NLK: variants seen among roughly 807,000 people sequenced by gnomAD.
NLK encodes nemo like kinase, also known as serine/threonine-protein kinase NLK.
A neutral mutation model predicts 59.0 loss-of-function variants in NLK; 11 were observed. The observed-to-expected ratio is 0.19, with a 90% CI of 0.12 to 0.31. The LOEUF (loss-of-function observed/expected upper bound fraction) is 0.31. Among genes scored for constraint, NLK ranks in the 10% least tolerant of loss-of-function variants. The pLI is 1.00. For synonymous variants in NLK, 235 were observed against 235.9 expected, an observed-to-expected ratio of 1.00 and a Z score of 0.03; for missense variants, 410 against 661.1, an observed-to-expected ratio of 0.62 and a Z score of 4.16.
chr17:28,178,416 G>A (rs942589919), intron 7 of NLK, among the ~76,000 whole-genome samples: 1 of 152,170 alleles, frequency 6.6e-6, no homozygotes, highest in African/African-American at 2.4e-5. Flanking sequence ...ACTGTGTGAT[G>A]TTTCAAGTTT....
At chr17:28,182,673 C>G (rs1031518381) in intron 7 of NLK, among the ~76,000 whole-genome samples, 6 of 152,170 alleles carry the variant, frequency 3.9e-5, no homozygotes, top group African/African-American at 1.4e-4. Flanking sequence ...TTCTCCCAAA[C>G]ATAAGCCAGA....
intron 1 of NLK, among the ~76,000 whole-genome samples, chr17:28,067,883 A>G (rs1429829825): frequency 2.0e-5 from 3 of 151,648 alleles, no homozygotes; most frequent in Admixed American, 6.6e-5. Context: ...GCTCACACCT[A>G]TAATCCCAGC....
chr17:28,177,805 T>C (rs1339236290), intron 7 of NLK, among the ~76,000 whole-genome samples: 1 of 152,232 alleles, frequency 6.6e-6, no homozygotes, highest in African/African-American at 2.4e-5. Flanking sequence ...GTTTCCTCCA[T>C]AGTCTGGAGC....
the NLK span, among the ~76,000 whole-genome samples, chr17:28,203,269 G>C: frequency 6.6e-6 from 1 of 151,416 alleles, no homozygotes; most frequent in Admixed American, 6.6e-5. Flanking sequence ...GCCTCCCACA[G>C]TACTGGGATT....
chr17:28,067,461 C>G (rs535945301), intron 1 of NLK, among the ~76,000 whole-genome samples: 1 of 150,378 alleles, frequency 6.6e-6, no homozygotes, highest in Non-Finnish European at 1.5e-5. Flanking sequence ...AACTCTCTAA[C>G]AGTCTCTATG....
the NLK span, among the ~76,000 whole-genome samples, chr17:28,203,152 TATATACATACATACACA>T: frequency 7.4e-6 from 1 of 135,192 alleles, no homozygotes; most frequent in African/African-American, 3.3e-5. Context: ...TGTATGAATG[TATATACATACATACACA>T]CACACACACA....
chr17:28,148,850 G>C (rs1907361778), intron 3 of NLK, among the ~76,000 whole-genome samples: 1 of 152,194 alleles, frequency 6.6e-6, no homozygotes. Context: ...TACTTGGGTG[G>C]ATTGAGCAGT....
At chr17:28,147,678 A>G (rs1031752919) in intron 3 of NLK, among the ~76,000 whole-genome samples, 2 of 152,090 alleles carry the variant, frequency 1.3e-5, no homozygotes, top group African/African-American at 4.8e-5. Context: ...TCCCTTTTTG[A>G]TATCTCTAAT....
chr17:28,165,302 G>A (rs1196528518), intron 5 of NLK, among the ~76,000 whole-genome samples: 1 of 152,106 alleles, frequency 6.6e-6, no homozygotes, highest in Non-Finnish European at 1.5e-5. Context: ...ACAGGATTTT[G>A]TGCAGGACCT....
chr17:28,085,621 T>C (rs922972082), intron 1 of NLK, among the ~76,000 whole-genome samples: 41 of 152,050 alleles, frequency 2.7e-4, no homozygotes, highest in African/African-American at 9.7e-4. Context: ...GCAGCTGTAA[T>C]CCCAGCTACT....
At chr17:28,064,384 A>G (rs1200427540) in intron 1 of NLK, among the ~76,000 whole-genome samples, 5 of 151,912 alleles carry the variant, frequency 3.3e-5, no homozygotes, top group Non-Finnish European at 5.9e-5. Flanking sequence ...TCTGGCCTCA[A>G]GTGATCCTCC....
At chr17:28,128,056 G>A (rs1400225107) in intron 2 of NLK, among the ~76,000 whole-genome samples, 1 of 151,944 alleles carries the variant, frequency 6.6e-6, no homozygotes, top group African/African-American at 2.4e-5. Flanking sequence ...GAGTCCGTGA[G>A]ATATCCATAT....
chr17:28,203,775 G>A, the NLK span, among the ~76,000 whole-genome samples: 2 of 152,258 alleles, frequency 1.3e-5, no homozygotes, highest in East Asian at 3.9e-4. Context: ...GACCTCAGGT[G>A]ATCCACCTGC....
At chr17:28,182,788 A>G (rs17719346) in intron 7 of NLK, among the ~76,000 whole-genome samples, 13,089 of 152,050 alleles carry the variant, frequency 0.086, 807 homozygotes, top group Non-Finnish European at 0.13. Flanking sequence ...CTAAAGTGGT[A>G]TGATGAAGCA....
At chr17:28,100,559 G>A (rs907109470) in intron 1 of NLK, among the ~76,000 whole-genome samples, 1 of 152,144 alleles carries the variant, frequency 6.6e-6, no homozygotes, top group Admixed American at 6.5e-5. Context: ...TGCATAAAGT[G>A]TGGAGACCTT....
At chr17:28,068,122 C>T (rs974513307) in intron 1 of NLK, among the ~76,000 whole-genome samples, 2 of 142,002 alleles carry the variant, frequency 1.4e-5, no homozygotes, top group Non-Finnish European at 3.0e-5. Context: ...GCCTGGGCCA[C>T]AGAGCGAGAC....
chr17:28,188,914 C>T (rs1265616334), intron 8 of NLK, among the ~76,000 whole-genome samples: 5 of 151,986 alleles, frequency 3.3e-5, no homozygotes, highest in Non-Finnish European at 5.9e-5. Context: ...GAAATGATGA[C>T]TCAATTACTT....
intron 1 of NLK, among the ~76,000 whole-genome samples, chr17:28,115,969 A>G (rs1905749011): frequency 6.6e-6 from 1 of 152,006 alleles, no homozygotes; most frequent in Non-Finnish European, 1.5e-5. Context: ...TCAGTAATTA[A>G]TAAGATTTGC....
intron 8 of NLK, among the ~76,000 whole-genome samples, chr17:28,185,645 C>A (rs916180325): frequency 2.0e-5 from 3 of 152,016 alleles, no homozygotes; most frequent in Non-Finnish European, 4.4e-5. Flanking sequence ...ACCTCCCAGG[C>A]CCAAGCAATC....
Sources: allele counts gnomAD v4.1 joint callset (sites outside exome capture counted in the v4.1 genomes callset), GRCh38; gene constraint gnomAD v4.1.1; transcripts MANE v1.5; gene names NCBI Gene and HGNC (gene_info 2026-07-23, HGNC 2026-07-21).